Variants in SNUPN observed in about 807,000 individuals in gnomAD.
SNUPN encodes the protein snurportin 1.
Under a neutral mutation model 39.2 loss-of-function variants are expected in SNUPN, and 31 were observed. The observed-to-expected ratio is 0.79, with a 90% CI of 0.59 to 1.07. The LOEUF (loss-of-function observed/expected upper bound fraction) is 1.07, where lower values mean the gene tolerates loss of function less well. Ranked by LOEUF, SNUPN falls within the 50% of genes least tolerant of loss-of-function variation. The probability of loss-of-function intolerance (pLI) is 0.00; values close to 1 mark genes in which losing one functional copy is unlikely to be tolerated. For synonymous variants in SNUPN, 132 were observed against 159.0 expected (o/e 0.83, Z 1.28); for missense variants, 382 against 434.2 (o/e 0.88, Z 1.07).
intron 3 of SNUPN, among the ~76,000 whole-genome samples, chr15:75,612,370 C>T (rs7403786): frequency 0.97 from 146,933 of 152,110 alleles, 71,443 homozygotes; most frequent in Middle Eastern, 1. Flanking sequence ...CTCTACTCCT[C>T]GCCTTACGTA....
intron 7 of SNUPN, among the ~76,000 whole-genome samples, chr15:75,604,157 C>CTTTTTTTTTTTTTTTT (rs34924144): frequency 8.7e-6 from 1 of 114,942 alleles, no homozygotes; most frequent in Non-Finnish European, 1.7e-5. Context: ...TTCCCTTTAA[C>CTTTTTTTTTTTTTTTT]TTTTTTTTTT....
intron 3 of SNUPN, among the ~76,000 whole-genome samples, chr15:75,615,068 G>A (rs571108122): frequency 4.2e-4 from 64 of 152,176 alleles, no homozygotes; most frequent in Non-Finnish European, 6.8e-4. Context: ...CCACTGCTAA[G>A]TTCTTCCATT....
Position 75,620,915 on chromosome 15 carries a change from C to T in SNUPN, c.137G>A (p.Arg46Lys). ...TTACGATTTCTGCAGTTCCAGTAAC[C>T]TCCGGCGGCGCTCACTCTGCTCCAA... ...SSLEQSERRRRLLELQKSKRL... is the reference protein window; with the variant it reads ...SSLEQSERRRKLLELQKSKRL... The change falls in exon 2 of 9, where the codon AGG (arginine) becomes AAG (lysine). Residue 46 changes from arginine to lysine, a missense_variant. Transcript: ENST00000308588. 1.2e-6 allele frequency: 2 copies of T among 1,613,568 alleles called. No homozygotes were observed. Among genetic ancestry groups the T allele is most frequent in the Non-Finnish European group, 1.7e-6 (2 of 1,179,862 alleles).
intron 3 of SNUPN, among the ~76,000 whole-genome samples, chr15:75,614,391 A>C (rs2141372938): frequency 6.6e-6 from 1 of 152,348 alleles, no homozygotes; most frequent in Non-Finnish European, 1.5e-5. Context: ...TAAACTGAAG[A>C]ATAAATAAAC....
At chr15:75,603,781 C>T (rs550733287) in intron 7 of SNUPN, among the ~76,000 whole-genome samples, 3 of 152,120 alleles carry the variant, frequency 2.0e-5, no homozygotes, top group Non-Finnish European at 1.5e-5. Context: ...TGACAGCTAC[C>T]ACTAATAAAG....
chr15:75,611,446 G>A (rs942300779), intron 3 of SNUPN, among the ~76,000 whole-genome samples: 2 of 151,346 alleles, frequency 1.3e-5, no homozygotes, highest in African/African-American at 4.8e-5. Context: ...TAGAGACGGG[G>A]TTTCACCGTG....
chr15:75,609,917 TC>T lies in SNUPN; in HGVS notation c.380del (p.Gly127GlufsTer46). ...QEWIVVVCPV[G>X]KRALIVASRG... is the part of the protein sequence containing the mutation. ...TGGAGGCCACGATAAGGGCTCTTTT[TC>T]CAACAGGGCACACGACCACAATCCA... On this transcript the variant is annotated frameshift_variant, in exon 4 of 9. Transcript: ENST00000308588. LOFTEE classifies it high-confidence loss of function. 6.2e-7 allele frequency: 1 copy of T among 1,614,078 alleles called. No homozygotes were observed. The highest frequency in any genetic ancestry group is 8.5e-7 in the Non-Finnish European group (1 of 1,180,008).
chr15:75,621,833 C>T (rs542551342), intron 1 of SNUPN, among the ~76,000 whole-genome samples: 2 of 148,452 alleles, frequency 1.3e-5, no homozygotes, highest in African/African-American at 2.5e-5. Flanking sequence ...GTCAGGAGTT[C>T]GAAACCAGCC....
At chr15:75,607,351 CT>C (rs1555459327) in intron 5 of SNUPN, 38 bp from the exon 6 acceptor site, 1 of 1,439,864 alleles carries the variant, frequency 6.9e-7, no homozygotes, top group South Asian at 1.1e-5. Flanking sequence ...CAGAGTTCTT[CT>C]TCCAACCAGG....
chr15:75,610,514 C>T (rs1306048042), intron 3 of SNUPN, among the ~76,000 whole-genome samples: 3 of 152,128 alleles, frequency 2.0e-5, no homozygotes. Flanking sequence ...TGATGGGGGC[C>T]ACTGACTATG....
intron 3 of SNUPN, 37 bp downstream of exon 3, chr15:75,617,371 G>T: frequency 6.2e-7 from 1 of 1,601,590 alleles, no homozygotes; most frequent in Non-Finnish European, 8.5e-7. Flanking sequence ...TAAAGGGAGT[G>T]AGATTAGCTG....
Position 75,620,045 on chromosome 15 carries a change from G to A in SNUPN, c.158+849C>T, listed in dbSNP as rs943685134. ...ATTACAGGCGTCAGCCACCATGCCC[G>A]GCCTCTTATGTATATTTTAAATTTT... On this transcript the variant is annotated intron_variant, in intron 2 of 8. Coordinates refer to ENST00000308588, the MANE Select transcript of SNUPN (RefSeq NM_005701.4). Among the ~76,000 whole-genome samples the A allele has an allele frequency of 4.6e-5, 7 of 152,012 alleles. No homozygotes were observed. In the South Asian group the frequency reaches 6.2e-4, roughly 14 times the overall value.
In SNUPN at chr15:75,620,959, G is replaced by C. The variant is rs774179276; in HGVS notation, c.93C>G (p.Tyr31Ter). Residue 31 changes from tyrosine (Y) to a stop codon, truncating the protein, a stop_gained, in exon 2 of 9, where the codon TAC becomes TAG. Transcript: ENST00000308588. LOFTEE classifies it high-confidence loss of function. Reference protein sequence around the residue: ...TAAPHPRLSQYKSKYSSLEQS... With the variant: ...TAAPHPRLSQ ...GCTCCAAGGAACTGTACTTGGACTTGTACTGGGATAGGCGGGGGTGTGGGG... is the reference window on the plus strand; with the variant it reads ...GCTCCAAGGAACTGTACTTGGACTTCTACTGGGATAGGCGGGGGTGTGGGG... The C allele has an allele frequency of 6.2e-7, 1 of 1,614,144 alleles. No individual in the cohort carries two copies.
chr15:75,609,174 C>CTTTTTT (rs1205961290), intron 5 of SNUPN, among the ~76,000 whole-genome samples: 6 of 89,672 alleles, frequency 6.7e-5, no homozygotes, highest in Non-Finnish European at 1.2e-4. Flanking sequence ...CAAAGTGGGT[C>CTTTTTT]TTTTTTTTTT....
intron 1 of SNUPN, among the ~76,000 whole-genome samples, chr15:75,621,395 A>G (rs1249330755): frequency 6.6e-6 from 1 of 151,554 alleles, no homozygotes; most frequent in Non-Finnish European, 1.5e-5. Context: ...CCAGTAACTG[A>G]GACTACAGGT....
At chr15:75,600,788 C>T (rs1297381203) in intron 8 of SNUPN, 1 of 228,872 alleles carries the variant, frequency 4.4e-6, no homozygotes, top group Non-Finnish European at 8.7e-6. Flanking sequence ...AACCAGGGAC[C>T]TGGGTCTCAG....
intron 1 of SNUPN, among the ~76,000 whole-genome samples, chr15:75,623,494 G>T (rs1893128940): frequency 6.6e-6 from 1 of 150,442 alleles, no homozygotes; most frequent in Admixed American, 6.7e-5. Flanking sequence ...TCCCAGGCTG[G>T]ACTACAGTGG....
In SNUPN at chr15:75,607,258, C is replaced by T. The variant is rs1401662052; in HGVS notation, c.558G>A (p.Leu186=). Reference sequence around the variant, plus strand: ...GGTGTCCCCGCCAGCACATCACATCCAGAACGTAGTAGGTCTGGTTTACCT... The same window carrying T: ...GGTGTCCCCGCCAGCACATCACATCTAGAACGTAGTAGGTCTGGTTTACCT... ...YNEVNQTYYV[L]DVMCWRGHPF... is the part of the protein sequence containing the mutation. The change falls in exon 6 of 9, where the codon CTG becomes CTA. Residue 186 remains leucine, a synonymous_variant. Coordinates refer to ENST00000308588, the MANE Select transcript of SNUPN (RefSeq NM_005701.4). The T allele has an allele frequency of 2.5e-6, 4 of 1,613,874 alleles. No homozygotes were observed.
At chr15:75,605,112 C>T (rs1442635404) in intron 7 of SNUPN, 38 bp downstream of exon 7, 2 of 1,307,586 alleles carry the variant, frequency 1.5e-6, no homozygotes, top group Middle Eastern at 1.8e-4. Context: ...CACACTACTC[C>T]CCATAAGGAA....
Sources: allele counts gnomAD v4.1 joint callset (sites outside exome capture counted in the v4.1 genomes callset), GRCh38; gene constraint gnomAD v4.1.1; transcripts MANE v1.5; gene names NCBI Gene and HGNC (gene_info 2026-07-23, HGNC 2026-07-21).